Variants in C12orf42 observed in about 807,000 individuals in gnomAD.
C12orf42 encodes chromosome 12 open reading frame 42.
Under a neutral mutation model 21.6 loss-of-function variants are expected in C12orf42, and 25 were observed. That is an observed-to-expected ratio of 1.16 (90% CI 0.84 to 1.62). C12orf42 has a LOEUF of 1.62. C12orf42 is among the 40% of genes most tolerant of loss of function. C12orf42 has a pLI of 0.00. For missense variants in C12orf42, 483 were observed against 459.3 expected (o/e 1.05, Z -0.47); for synonymous variants, 174 against 175.0 (o/e 0.99, Z 0.05).
At chr12:103,247,017 TTTTA>T (rs1367533793) in intron 10 of C12orf42, among the ~76,000 whole-genome samples, 1 of 152,096 alleles carries the variant, frequency 6.6e-6, no homozygotes, top group South Asian at 2.1e-4. Flanking sequence ...ATTTATTTCA[TTTTA>T]TTTTTATAAA....
chr12:103,436,431 G>T (rs1010272836), intron 2 of C12orf42, among the ~76,000 whole-genome samples: 78 of 151,936 alleles, frequency 5.1e-4, no homozygotes, highest in African/African-American at 1.5e-3. Context: ...TGGACTAAAT[G>T]CTCCAATTAA....
chr12:103,235,185 C>T (rs2033431217), downstream of C12orf42, among the ~76,000 whole-genome samples: 1 of 152,076 alleles, frequency 6.6e-6, no homozygotes, highest in African/African-American at 2.4e-5. Context: ...CCAGATGTTC[C>T]AGAGTTGTGC....
At chr12:103,429,095 C>A (rs111235077) in intron 2 of C12orf42, among the ~76,000 whole-genome samples, 1,592 of 152,268 alleles carry the variant, frequency 0.01, 29 homozygotes, top group African/African-American at 0.036. Flanking sequence ...TCCAATTCAA[C>A]ACAGCATTGG....
the C12orf42 span, among the ~76,000 whole-genome samples, chr12:103,058,461 A>C: frequency 1.3e-5 from 2 of 152,152 alleles, no homozygotes; most frequent in African/African-American, 4.8e-5. Context: ...TCAGGACTTG[A>C]ACTCAGCTCT....
the C12orf42 span, among the ~76,000 whole-genome samples, chr12:103,174,941 T>C: frequency 3.6e-3 from 546 of 152,334 alleles, 2 homozygotes; most frequent in African/African-American, 0.013. Flanking sequence ...AAGTAAATTG[T>C]ATTATGATTT....
At chr12:103,380,535 G>A (rs1191171371) in intron 3 of C12orf42, among the ~76,000 whole-genome samples, 3 of 152,122 alleles carry the variant, frequency 2.0e-5, no homozygotes, top group Non-Finnish European at 4.4e-5. Flanking sequence ...TTATTTAAAC[G>A]AGGAATTAGA....
At chr12:103,505,395 T>A in the C12orf42 span, 64 of 336,130 alleles carry the variant, frequency 1.9e-4, 1 homozygote, top group Middle Eastern at 1.9e-3. Flanking sequence ...TCTGACCCCA[T>A]AGTGTTGGGT....
chr12:103,509,862 T>C, the C12orf42 span, among the ~76,000 whole-genome samples: 15,000 of 152,194 alleles, frequency 0.099, 960 homozygotes, highest in South Asian at 0.27. Flanking sequence ...ATAATAGATG[T>C]TGGCAGGGAT....
chr12:103,222,241 C>A, the C12orf42 span, among the ~76,000 whole-genome samples: 4 of 151,002 alleles, frequency 2.6e-5, no homozygotes, highest in South Asian at 2.1e-4. Flanking sequence ...AAGGGTGGGG[C>A]CGTTTTATAG....
intron 3 of C12orf42, among the ~76,000 whole-genome samples, chr12:103,384,773 A>G (rs1457110342): frequency 6.6e-6 from 1 of 152,248 alleles, no homozygotes; most frequent in Non-Finnish European, 1.5e-5. Flanking sequence ...AAAGATGTCT[A>G]TTGACTGGAT....
At chr12:103,416,904 T>C (rs2049396968) in intron 2 of C12orf42, among the ~76,000 whole-genome samples, 1 of 152,192 alleles carries the variant, frequency 6.6e-6, no homozygotes. Context: ...AAAGATATTA[T>C]AACTAGTATG....
At chr12:103,194,594 A>T in the C12orf42 span, among the ~76,000 whole-genome samples, 1 of 152,172 alleles carries the variant, frequency 6.6e-6, no homozygotes, top group Admixed American at 6.5e-5. Flanking sequence ...TAGAATACTT[A>T]GGAATAAACT....
chr12:103,513,428 C>T, the C12orf42 span, among the ~76,000 whole-genome samples: 2 of 152,154 alleles, frequency 1.3e-5, no homozygotes, highest in Non-Finnish European at 2.9e-5. Flanking sequence ...CCAGATAGAT[C>T]ACTGGATTTT....
the C12orf42 span, among the ~76,000 whole-genome samples, chr12:103,214,644 G>A: frequency 6.6e-6 from 1 of 152,102 alleles, no homozygotes; most frequent in Non-Finnish European, 1.5e-5. Context: ...TTCTCCCCAG[G>A]GAAGATATTT....
chr12:103,068,902 GATAGAT>G, the C12orf42 span, among the ~76,000 whole-genome samples: 1 of 101,752 alleles, frequency 9.8e-6, no homozygotes, highest in East Asian at 2.5e-4. Flanking sequence ...TAGATAGATA[GATAGAT>G]ATAGATATAT....
At chr12:103,507,247 T>A in the C12orf42 span, among the ~76,000 whole-genome samples, 1 of 62,614 alleles carries the variant, frequency 1.6e-5, no homozygotes, top group Non-Finnish European at 2.5e-5. Flanking sequence ...ATATTATATA[T>A]AATATATAAA....
the C12orf42 span, among the ~76,000 whole-genome samples, chr12:103,132,310 T>A: frequency 6.6e-6 from 1 of 151,854 alleles, no homozygotes; most frequent in Admixed American, 6.6e-5. Flanking sequence ...GGCAGCCTAC[T>A]CTACAGGGCT....
chr12:103,454,737 G>A (rs1952176143), intron 2 of C12orf42, among the ~76,000 whole-genome samples: 1 of 152,026 alleles, frequency 6.6e-6, no homozygotes, highest in Non-Finnish European at 1.5e-5. Flanking sequence ...TCATCAGCTT[G>A]TTTCTTGGTT....
the C12orf42 span, among the ~76,000 whole-genome samples, chr12:103,535,009 G>A: frequency 6.6e-6 from 1 of 152,168 alleles, no homozygotes; most frequent in Admixed American, 6.5e-5. Flanking sequence ...AATCTATGGA[G>A]ACTGAGCTCA....
Sources: gnomAD v4.1 joint callset for allele counts (sites outside exome capture counted in the v4.1 genomes callset) on GRCh38, gnomAD v4.1.1 for gene constraint, MANE v1.5 for transcripts, NCBI Gene and HGNC (gene_info 2026-07-23, HGNC 2026-07-21) for gene names.